MBD5: variants seen among roughly 807,000 people sequenced by gnomAD.
MBD5 encodes methyl-CpG-binding domain protein 5.
MBD5 carries 13 observed loss-of-function variants against 117.3 expected under a neutral mutation model. The ratio of observed to expected loss-of-function variants is 0.11; its 90% CI spans 0.07 to 0.18. MBD5 has a LOEUF of 0.18. Ranked by LOEUF, MBD5 falls within the 10% of genes least tolerant of loss-of-function variation. The pLI is 1.00. For synonymous variants in MBD5, 727 were observed against 766.4 expected (o/e 0.95, Z 0.85); for missense variants, 1,879 against 2,093.8 (o/e 0.90, Z 2.00).
intron 7 of MBD5, among the ~76,000 whole-genome samples, chr2:148,464,722 G>A (rs763823316): frequency 2.0e-5 from 3 of 151,390 alleles, no homozygotes; most frequent in South Asian, 2.1e-4. Context: ...ACTTTGGGAG[G>A]CTGAAGTGGG....
At position 148,368,541 on chromosome 2, in the gene MBD5, C is replaced by T. The variant is rs901040523; in HGVS notation, c.-557+26205C>T. Among the ~76,000 whole-genome samples the T allele has an allele frequency of 3.3e-5, 5 of 152,138 alleles. No homozygotes were observed. In the South Asian group the frequency reaches 8.3e-4, roughly 25 times the overall value. Reference sequence around the variant, plus strand: ...TTAAAAAGAGCATCAAAATGTGTTTCACAATAGTTACCTTCTGCTCTTACT... The same window carrying T: ...TTAAAAAGAGCATCAAAATGTGTTTTACAATAGTTACCTTCTGCTCTTACT... On this transcript the variant is annotated intron_variant, in intron 4 of 13. Transcript: ENST00000642680.
At chr2:148,132,557 C>T (rs1697076511) in intron 1 of MBD5, among the ~76,000 whole-genome samples, 1 of 152,010 alleles carries the variant, frequency 6.6e-6, no homozygotes, top group Admixed American at 6.6e-5. Flanking sequence ...AATCCTCATA[C>T]ATCTTTTCCC....
At chr2:148,099,882 A>T (rs1696162293) in intron 1 of MBD5, among the ~76,000 whole-genome samples, 1 of 152,220 alleles carries the variant, frequency 6.6e-6, no homozygotes, top group Admixed American at 6.5e-5. Context: ...TCATTCATTC[A>T]CATAAAAATA....
At chr2:148,450,249 T>A (rs1430355288) in intron 4 of MBD5, among the ~76,000 whole-genome samples, 1 of 152,170 alleles carries the variant, frequency 6.6e-6, no homozygotes, top group East Asian at 1.9e-4. Flanking sequence ...ATTTTAAAAC[T>A]TGTGCAAGGT....
At chr2:148,250,399 A>G (rs1227260750) in intron 3 of MBD5, among the ~76,000 whole-genome samples, 3 of 152,180 alleles carry the variant, frequency 2.0e-5, no homozygotes, top group East Asian at 1.9e-4. Flanking sequence ...CTGTGACACA[A>G]GTTTACCTGT....
At chr2:148,224,289 A>C (rs529410172) in intron 2 of MBD5, among the ~76,000 whole-genome samples, 1 of 152,186 alleles carries the variant, frequency 6.6e-6, no homozygotes, top group South Asian at 2.1e-4. Context: ...CATCTGGACG[A>C]TATGTCTCTG....
chr2:148,097,791 C>A (rs1696107552), intron 1 of MBD5, among the ~76,000 whole-genome samples: 1 of 152,168 alleles, frequency 6.6e-6, no homozygotes, highest in Non-Finnish European at 1.5e-5. Flanking sequence ...GAAGCCATAG[C>A]ATTTAAATTG....
At chr2:148,055,965 A>G (rs933027221) in intron 1 of MBD5, 9 of 152,204 alleles carry the variant, frequency 5.9e-5, no homozygotes, top group African/African-American at 9.7e-5. Context: ...GGCATGTTCT[A>G]TAAGAAATCT....
chr2:148,360,887 T>G (rs1040538494), intron 4 of MBD5, among the ~76,000 whole-genome samples: 21 of 152,264 alleles, frequency 1.4e-4, no homozygotes, highest in African/African-American at 5.1e-4. Context: ...ATATAATCAA[T>G]GTTCATTTTA....
intron 4 of MBD5, among the ~76,000 whole-genome samples, chr2:148,412,071 G>T (rs190920293): frequency 2.0e-5 from 3 of 152,140 alleles, no homozygotes; most frequent in African/African-American, 7.2e-5. Context: ...TTCTGCATAT[G>T]GCTAGCCAGT....
chr2:148,507,724 C>A (rs1033587101), intron 12 of MBD5, among the ~76,000 whole-genome samples: 5 of 149,598 alleles, frequency 3.3e-5, no homozygotes, highest in Admixed American at 3.3e-4. Flanking sequence ...TGCGCCACTG[C>A]ACTCCAGCCT....
intron 1 of MBD5, among the ~76,000 whole-genome samples, chr2:148,029,987 A>G (rs1246679483): frequency 6.6e-6 from 1 of 152,150 alleles, no homozygotes; most frequent in Non-Finnish European, 1.5e-5. Context: ...ATAAAAAGTT[A>G]GGGGCCAGGT....
At chr2:148,402,114 C>G (rs1393700092) in intron 4 of MBD5, among the ~76,000 whole-genome samples, 2 of 152,014 alleles carry the variant, frequency 1.3e-5, no homozygotes, top group Non-Finnish European at 2.9e-5. Flanking sequence ...TTACATCAGG[C>G]TTCTGCACTG....
chr2:148,197,374 A>G (rs1699014788), intron 2 of MBD5, among the ~76,000 whole-genome samples: 1 of 152,206 alleles, frequency 6.6e-6, no homozygotes, highest in Non-Finnish European at 1.5e-5. Flanking sequence ...CTAAATTTTT[A>G]AACAAACTAA....
chr2:148,181,331 T>A (rs937195992), intron 2 of MBD5, among the ~76,000 whole-genome samples: 4 of 152,242 alleles, frequency 2.6e-5, no homozygotes, highest in Admixed American at 2.0e-4. Context: ...ATGTTCATCA[T>A]GTCCTATCGT....
In MBD5 at chr2:148,123,445, CTTGA is replaced by C. The variant is rs539639357; in HGVS notation, c.-924-55250_-924-55247del. ...ACACTTTTTGGTGACTGTTGACTGA[CTTGA>C]TTGAGAGCCTTGTAAAAAATATAGT... On this transcript the variant is annotated intron_variant, in intron 1 of 13. Transcript: ENST00000642680. Among the ~76,000 whole-genome samples, 171 of 152,180 alleles carry C rather than the reference CTTGA, an allele frequency of 1.1e-3. 1 individual carries two copies. The highest frequency in any genetic ancestry group is 3.7e-3 in the African/African-American group (155 of 41,530).
chr2:148,170,870 C>T (rs1215179006), intron 1 of MBD5, among the ~76,000 whole-genome samples: 3 of 152,070 alleles, frequency 2.0e-5, no homozygotes, highest in Non-Finnish European at 4.4e-5. Flanking sequence ...AATTCTACAC[C>T]AACCAATTAG....
chr2:148,464,361 C>A (rs1480345305), intron 7 of MBD5, among the ~76,000 whole-genome samples: 1 of 152,066 alleles, frequency 6.6e-6, no homozygotes, highest in African/African-American at 2.4e-5. Context: ...ATATCTCCAC[C>A]ACCACACACA....
At chr2:148,152,039 T>C (rs547441038) in intron 1 of MBD5, among the ~76,000 whole-genome samples, 1,818 of 151,364 alleles carry the variant, frequency 0.012, 35 homozygotes, top group African/African-American at 0.041. Flanking sequence ...TGTTAGGGTG[T>C]CAATTTTGGA....
Sources: gnomAD v4.1 joint callset for allele counts (sites outside exome capture counted in the v4.1 genomes callset) on GRCh38, gnomAD v4.1.1 for gene constraint, MANE v1.5 for transcripts, NCBI Gene and HGNC (gene_info 2026-07-23, HGNC 2026-07-21) for gene names.